DHRS3: variants seen among roughly 807,000 people sequenced by gnomAD.
DHRS3 encodes the protein short-chain dehydrogenase/reductase 3.
In DHRS3, 14 loss-of-function variants were observed where a neutral mutation model predicts 27.2. The ratio of observed to expected loss-of-function variants is 0.52; its 90% CI spans 0.34 to 0.81. DHRS3 has a LOEUF of 0.81. Among genes scored for constraint, DHRS3 ranks in the 30% least tolerant of loss-of-function variants. DHRS3 has a pLI of 0.01. For missense variants in DHRS3, 322 were observed against 406.2 expected, an observed-to-expected ratio of 0.79 and a Z score of 1.78; for synonymous variants, 165 against 175.9, an observed-to-expected ratio of 0.94 and a Z score of 0.49.
chr1:12,605,382 GT>G (rs1198216116), intron 1 of DHRS3, among the ~76,000 whole-genome samples: 3 of 151,964 alleles, frequency 2.0e-5, no homozygotes, highest in Non-Finnish European at 4.4e-5. Flanking sequence ...TATCTATCTT[GT>G]ATATTACCAT....
At chr1:12,575,412 C>T (rs1374551578) in intron 4 of DHRS3, among the ~76,000 whole-genome samples, 1 of 152,044 alleles carries the variant, frequency 6.6e-6, no homozygotes, top group Non-Finnish European at 1.5e-5. Flanking sequence ...CTGGGAAACT[C>T]ACTCATTTTG....
chr1:12,603,606 G>A (rs1334068257), intron 1 of DHRS3, among the ~76,000 whole-genome samples: 3 of 152,134 alleles, frequency 2.0e-5, no homozygotes, highest in Non-Finnish European at 4.4e-5. Flanking sequence ...GGTCCGCATG[G>A]GGACCGCGGG....
At chr1:12,614,680 T>A (rs1040424443) in intron 1 of DHRS3, among the ~76,000 whole-genome samples, 1 of 149,708 alleles carries the variant, frequency 6.7e-6, no homozygotes, top group African/African-American at 2.5e-5. Flanking sequence ...ACACGTCAGC[T>A]CTTTGCAGAG....
chr1:12,595,594 T>C (rs1275552751), intron 1 of DHRS3, among the ~76,000 whole-genome samples: 1 of 124,306 alleles, frequency 8.0e-6, no homozygotes, highest in Non-Finnish European at 1.7e-5. Flanking sequence ...GTGGAGCGGG[T>C]GAGGAGGGGG....
chr1:12,604,309 T>A (rs1646855267), intron 1 of DHRS3, among the ~76,000 whole-genome samples: 1 of 152,228 alleles, frequency 6.6e-6, no homozygotes, highest in Non-Finnish European at 1.5e-5. Flanking sequence ...GCTGGGTCTC[T>A]GCATGTTAAG....
At chr1:12,579,054 G>T in intron 3 of DHRS3, 98 bp from the exon 4 acceptor site, 1 of 1,285,876 alleles carries the variant, frequency 7.8e-7, no homozygotes, top group Non-Finnish European at 1.1e-6. Flanking sequence ...CACACATGAT[G>T]CTCTAGGGCC....
At position 12,578,473 on chromosome 1, in the gene DHRS3, C is replaced by T. The variant is rs1270391340; in HGVS notation, c.698+245G>A. On this transcript the variant is annotated intron_variant, in intron 4 of 5. Transcript: ENST00000616661. The surrounding 1 kb of genome is among the most constrained non-coding windows in gnomAD (Gnocchi z 4.5). ...GGGAATACAGGTGTGCATCACCATG[C>T]CCAGCTAATTTTTTATTTTTTTTAG... Among the ~76,000 whole-genome samples, 5 of 152,186 alleles carry T rather than the reference C, an allele frequency of 3.3e-5. No individual in the cohort carries two copies. The highest frequency in any genetic ancestry group is 7.3e-5 in the Non-Finnish European group (5 of 68,038).
rs1412622687 is a variant in DHRS3 at position 12,579,067 on chromosome 1, A to G, written c.460-111T>C. 16 of 1,260,166 alleles carry G rather than the reference A, an allele frequency of 1.3e-5. No individual in the cohort carries two copies. In the South Asian group the frequency reaches 2.2e-4, roughly 17 times the overall value. The allele number at this position is 1,260,166 out of a possible 1,614,324, so 78.1% of individuals were successfully genotyped here. On this transcript the variant is annotated intron_variant, in intron 3 of 5. Coordinates refer to ENST00000616661, the MANE Select transcript of DHRS3 (RefSeq NM_004753.7). Reference sequence around the variant, plus strand: ...GACACACATGATGCTCTAGGGCCCGAGCCTTCCTGCGAGGGAGAGGGCCGA... The same window carrying G: ...GACACACATGATGCTCTAGGGCCCGGGCCTTCCTGCGAGGGAGAGGGCCGA...
At chr1:12,614,045 A>C (rs1413090746) in intron 1 of DHRS3, among the ~76,000 whole-genome samples, 2 of 152,166 alleles carry the variant, frequency 1.3e-5, no homozygotes, top group Non-Finnish European at 2.9e-5. Context: ...TGCTGGGATT[A>C]CAGGCATGAG....
intron 4 of DHRS3, among the ~76,000 whole-genome samples, chr1:12,577,258 G>A (rs1646597805): frequency 6.6e-6 from 1 of 152,114 alleles, no homozygotes; most frequent in Non-Finnish European, 1.5e-5. Flanking sequence ...TCATTAAAGC[G>A]CCATTTATTG....
intron 1 of DHRS3, among the ~76,000 whole-genome samples, chr1:12,588,102 C>T (rs569019193): frequency 6.6e-6 from 1 of 152,312 alleles, no homozygotes; most frequent in African/African-American, 2.4e-5. Context: ...TCTCCTGTGT[C>T]CCTACCTGGT....
At chr1:12,611,827 C>T (rs1201713563) in intron 1 of DHRS3, among the ~76,000 whole-genome samples, 1 of 151,938 alleles carries the variant, frequency 6.6e-6, no homozygotes, top group Non-Finnish European at 1.5e-5. Context: ...TGTGGAAGCT[C>T]ATACCTGTAA....
intron 5 of DHRS3, among the ~76,000 whole-genome samples, chr1:12,569,543 T>C (rs1160247996): frequency 1.3e-5 from 2 of 152,056 alleles, no homozygotes; most frequent in Non-Finnish European, 2.9e-5. Flanking sequence ...ACTATACTCT[T>C]TTAGTTTTTT....
intron 1 of DHRS3, among the ~76,000 whole-genome samples, chr1:12,587,910 C>G (rs1646711512): frequency 6.6e-6 from 1 of 152,210 alleles, no homozygotes; most frequent in African/African-American, 2.4e-5. Context: ...AAGTGACTGT[C>G]TATTCACATC....
chr1:12,610,118 G>A (rs1397262223), intron 1 of DHRS3, among the ~76,000 whole-genome samples: 1 of 151,994 alleles, frequency 6.6e-6, no homozygotes, highest in African/African-American at 2.4e-5. Context: ...TCCCACTGTT[G>A]CTCAGGCTGG....
In DHRS3 at chr1:12,586,818, T is replaced by C. The variant is rs1305202540; in HGVS notation, c.196-6152A>G. On this transcript the variant is annotated intron_variant, in intron 1 of 5. Transcript: ENST00000616661. This position sits in a 1 kb window ranked among gnomAD's most constrained non-coding sequence, Gnocchi z 5.0. ...CTGTGGGGATTGCACCACCACTCAC[T>C]GTCCTGTAAGAGAAAGCACATCTCC... Among the ~76,000 whole-genome samples the C allele has an allele frequency of 2.0e-5, 3 of 151,588 alleles. No homozygotes were observed. Among genetic ancestry groups the C allele is most frequent in the African/African-American group, 7.3e-5 (3 of 40,868 alleles).
chr1:12,575,283 CAT>C, intron 4 of DHRS3, among the ~76,000 whole-genome samples: 1 of 150,930 alleles, frequency 6.6e-6, no homozygotes, highest in South Asian at 2.1e-4. Flanking sequence ...GCCAAGATCA[CAT>C]GACTGCACTC....
At chr1:12,576,905 G>A (rs1646593358) in intron 4 of DHRS3, among the ~76,000 whole-genome samples, 1 of 150,036 alleles carries the variant, frequency 6.7e-6, no homozygotes, top group African/African-American at 2.5e-5. Flanking sequence ...TAATTTCCTG[G>A]GCTCAAGCCA....
At chr1:12,600,435 G>A (rs1209890544) in intron 1 of DHRS3, 2 of 975,508 alleles carry the variant, frequency 2.1e-6, no homozygotes, top group Admixed American at 6.2e-5. Context: ...GGAGAGGCCA[G>A]GTCAGACTCT....
Sources: allele counts gnomAD v4.1 joint callset (sites outside exome capture counted in the v4.1 genomes callset), GRCh38; gene constraint gnomAD v4.1.1; non-coding constraint Gnocchi (gnomAD v3.1); transcripts MANE v1.5; gene names NCBI Gene and HGNC (gene_info 2026-07-23, HGNC 2026-07-21).